CYP20A1: variants seen among roughly 807,000 people sequenced by gnomAD.
CYP20A1 encodes the protein cytochrome P450 20A1.
A neutral mutation model predicts 61.4 loss-of-function variants in CYP20A1; 61 were observed. The observed-to-expected ratio is 0.99, with a 90% CI of 0.81 to 1.23. The LOEUF (loss-of-function observed/expected upper bound fraction) is 1.23. CYP20A1 is among the 50% of genes most tolerant of loss of function. CYP20A1 has a pLI of 0.00. For synonymous variants in CYP20A1, 193 were observed against 188.2 expected (o/e 1.03, Z -0.21); for missense variants, 530 against 542.4 (o/e 0.98, Z 0.23).
chr2:203,289,899 A>G, intron 10 of CYP20A1, 23 bp downstream of exon 10: 1 of 1,198,856 alleles, frequency 8.3e-7, no homozygotes. Flanking sequence ...TAATATGTTT[A>G]ATTCATTCAG....
chr2:203,273,047 C>G (rs2067671537), intron 6 of CYP20A1, among the ~76,000 whole-genome samples: 1 of 151,932 alleles, frequency 6.6e-6, no homozygotes, highest in African/African-American at 2.4e-5. Context: ...GGGTGTCACC[C>G]TGTTGGCCAG....
rs567656577 is a variant in CYP20A1 at position 203,296,705 on chromosome 2, T to A, written c.1239-53T>A. ...GGGGTTCATGTGCAGAACGTGCAGG[T>A]TTAAAGTATAATTTTTAATCTTTAG... is the stretch of plus-strand genomic sequence containing the variant. On this transcript the variant is annotated intron_variant, in intron 12 of 12. Transcript: ENST00000356079. The A allele has an allele frequency of 5.8e-6, 9 of 1,550,940 alleles. No homozygotes were observed. In the East Asian group the frequency reaches 1.8e-4, roughly 31 times the overall value.
At chr2:203,294,560 C>A (rs1417269772) in intron 11 of CYP20A1, among the ~76,000 whole-genome samples, 1 of 152,052 alleles carries the variant, frequency 6.6e-6, no homozygotes, top group Non-Finnish European at 1.5e-5. Flanking sequence ...TGATAATAAT[C>A]ACACATATAT....
chr2:203,282,296 A>T (rs1395375334), intron 8 of CYP20A1, among the ~76,000 whole-genome samples: 1 of 152,040 alleles, frequency 6.6e-6, no homozygotes, highest in African/African-American at 2.4e-5. Flanking sequence ...AGGTGCTAGG[A>T]TTACAGTCGT....
rs1259877570 is a variant in CYP20A1, at chr2:203,296,608, C to G, written c.1238+45C>G. The G allele has an allele frequency of 2.0e-6, 3 of 1,491,724 alleles. No individual in the cohort carries two copies. In the East Asian group the frequency reaches 6.9e-5, roughly 34 times the overall value. 92.4% of individuals were successfully genotyped at this position (1,491,724 alleles called of 1,614,324 possible). On this transcript the variant is annotated intron_variant, in intron 12 of 12. Transcript: ENST00000356079. ...ACTCTGTTCTTAGAATTTTGATGAT[C>G]ACTGTTGATGAGAATGGGCAATCTG...
intron 4 of CYP20A1, among the ~76,000 whole-genome samples, chr2:203,260,074 C>T (rs1367922646): frequency 5.3e-5 from 8 of 150,452 alleles, no homozygotes; most frequent in East Asian, 2.0e-4. Context: ...TTACAGGCAC[C>T]GACCACCATG....
chr2:203,265,673 C>T (rs1043930733), intron 4 of CYP20A1, among the ~76,000 whole-genome samples: 3 of 152,012 alleles, frequency 2.0e-5, no homozygotes, highest in Admixed American at 2.0e-4. Flanking sequence ...ATTACATCTA[C>T]AAATGTTTTT....
At chr2:203,242,397 A>G (rs2066284334) in intron 1 of CYP20A1, among the ~76,000 whole-genome samples, 1 of 152,198 alleles carries the variant, frequency 6.6e-6, no homozygotes, top group East Asian at 1.9e-4. Flanking sequence ...AAGGGGGCTG[A>G]TAACTAGAGA....
rs112141080 is a variant in CYP20A1, at chr2:203,254,991, C to CA, written c.432+2893dup. On this transcript the variant is annotated intron_variant, in intron 4 of 12. Coordinates refer to ENST00000356079, the MANE Select transcript of CYP20A1 (RefSeq NM_177538.3). ...GGGTAACAGAGTGAGACTCCGTCTCCAAAAAAAAAAAGAGGAAAAAAGAAA... is the reference window on the plus strand; with the variant it reads ...GGGTAACAGAGTGAGACTCCGTCTCCAAAAAAAAAAAAGAGGAAAAAAGAAA... Among the ~76,000 whole-genome samples the CA allele has an allele frequency of 7.3e-3, 960 of 131,308 alleles. 8 individuals are homozygous for CA. Among genetic ancestry groups the CA allele is most frequent in the African/African-American group, 0.019 (664 of 35,728 alleles). The allele number at this position is 131,308 out of a possible 152,430, so 86.1% of individuals were successfully genotyped here. A position where few individuals can be genotyped will look rare whatever the true frequency, so the allele number is the denominator to read the frequency against.
intron 3 of CYP20A1, among the ~76,000 whole-genome samples, chr2:203,247,938 T>C (rs2105901980): frequency 6.6e-6 from 1 of 152,098 alleles, no homozygotes; most frequent in South Asian, 2.1e-4. Flanking sequence ...TAAAGAATCT[T>C]GTATTGGCCA....
chr2:203,267,109 C>G (rs1280235887), intron 5 of CYP20A1, among the ~76,000 whole-genome samples: 1 of 151,802 alleles, frequency 6.6e-6, no homozygotes, highest in Non-Finnish European at 1.5e-5. Context: ...CTACAGAGAG[C>G]TACCATTGCA....
At chr2:203,258,475 T>G (rs1306453304) in intron 4 of CYP20A1, among the ~76,000 whole-genome samples, 2 of 152,122 alleles carry the variant, frequency 1.3e-5, no homozygotes, top group Non-Finnish European at 2.9e-5. Context: ...CACTTTCCAT[T>G]TAAGACTTGA....
In CYP20A1 at chr2:203,303,726, C is replaced by CAGT. The variant is rs1336468921; in HGVS notation, c.*6818_*6819insAGT. ...AAAAAAGAAAAAAAGAAAAAGAAAACTTAACTGGCCTTTGGGGCACATGCC... is the reference window on the plus strand; with the variant it reads ...AAAAAAGAAAAAAAGAAAAAGAAAACAGTTTAACTGGCCTTTGGGGCACATGCC... On this transcript the variant is annotated 3_prime_UTR_variant, in exon 13 of 13. Transcript: ENST00000356079. 9.2e-5 allele frequency among the ~76,000 whole-genome samples: 14 copies of CAGT among 151,594 alleles called. No homozygotes were observed. In the East Asian group the frequency reaches 2.7e-3, roughly 30 times the overall value.
chr2:203,239,237 T>G (rs966158037), intron 1 of CYP20A1, 103 bp downstream of exon 1: 1 of 993,976 alleles, frequency 1.0e-6, no homozygotes, highest in Non-Finnish European at 1.6e-6. Context: ...GGGGCGGGCC[T>G]GAGAGGAGGG....
chr2:203,264,898 T>G (rs1256312915), intron 4 of CYP20A1, among the ~76,000 whole-genome samples: 4 of 151,904 alleles, frequency 2.6e-5, no homozygotes, highest in Non-Finnish European at 5.9e-5. Context: ...CCCGGCTAAT[T>G]TTTGGTATTT....
At chr2:203,293,214 CTCTTTTTTT>C (rs1296088896) in intron 11 of CYP20A1, among the ~76,000 whole-genome samples, 2 of 128,910 alleles carry the variant, frequency 1.6e-5, no homozygotes, top group African/African-American at 5.7e-5. Flanking sequence ...GAATTTCTCT[CTCTTTTTTT>C]TTTTTTTTTT....
At chr2:203,258,330 T>C (rs973245881) in intron 4 of CYP20A1, among the ~76,000 whole-genome samples, 10 of 150,266 alleles carry the variant, frequency 6.7e-5, no homozygotes, top group African/African-American at 2.2e-4. Context: ...TGAGTGATAA[T>C]TGTGCCTGTG....
chr2:203,245,301 C>G (rs1209586259), intron 1 of CYP20A1, among the ~76,000 whole-genome samples: 2 of 151,940 alleles, frequency 1.3e-5, no homozygotes, highest in East Asian at 3.9e-4. Context: ...GCTGGGATTA[C>G]AGGCCTGAGC....
At chr2:203,266,786 G>A in intron 5 of CYP20A1, 105 bp downstream of exon 5, 1 of 913,110 alleles carries the variant, frequency 1.1e-6, no homozygotes, top group Non-Finnish European at 1.7e-6. Flanking sequence ...TTAAAGACCA[G>A]CCTGCCCCAC....
Sources: allele counts gnomAD v4.1 joint callset (sites outside exome capture counted in the v4.1 genomes callset), GRCh38; gene constraint gnomAD v4.1.1; transcripts MANE v1.5; gene names NCBI Gene and HGNC (gene_info 2026-07-23, HGNC 2026-07-21).